NEK5: variants seen among roughly 807,000 people sequenced by gnomAD.
The protein encoded by NEK5 is serine/threonine-protein kinase Nek5.
Under a neutral mutation model 109.2 loss-of-function variants are expected in NEK5, and 88 were observed. That is an observed-to-expected ratio of 0.81 (90% CI 0.68 to 0.96). NEK5 has a LOEUF of 0.96. Ranked by LOEUF, NEK5 falls within the 40% of genes least tolerant of loss-of-function variation. The pLI is 0.00. For synonymous variants in NEK5, 283 were observed against 299.9 expected (o/e 0.94, Z 0.58); for missense variants, 834 against 920.7 (o/e 0.91, Z 1.22).
intron 23 of NEK5, among the ~76,000 whole-genome samples, chr13:52,041,951 G>A (rs1481125040): frequency 1.3e-5 from 2 of 151,800 alleles, no homozygotes; most frequent in African/African-American, 4.8e-5. Context: ...AAGCAAGCAG[G>A]ATAAAAGACA....
chr13:52,076,170 C>T (rs746486202), intron 17 of NEK5, 27 bp from the exon 18 acceptor site: 2 of 1,275,504 alleles, frequency 1.6e-6, no homozygotes, highest in South Asian at 1.3e-5. Flanking sequence ...AAATACAATT[C>T]TCTCACTGTA....
chr13:52,121,619 G>A (rs1284636082), intron 3 of NEK5, among the ~76,000 whole-genome samples: 1 of 152,190 alleles, frequency 6.6e-6, no homozygotes, highest in Non-Finnish European at 1.5e-5. Context: ...TAAGGTAAAA[G>A]TGAAACTTCC....
chr13:52,085,528 C>T (rs9535858), intron 16 of NEK5, among the ~76,000 whole-genome samples: 63,036 of 151,988 alleles, frequency 0.41, 14,928 homozygotes, highest in Non-Finnish European at 0.53. Flanking sequence ...ATTTCAGCAG[C>T]ATGGTAGCTC....
At chr13:52,117,806 G>A (rs951108448) in intron 4 of NEK5, among the ~76,000 whole-genome samples, 2 of 152,178 alleles carry the variant, frequency 1.3e-5, no homozygotes, top group African/African-American at 4.8e-5. Context: ...GAGAACCAAA[G>A]GGAGCTGTAA....
rs762856646 is a variant in NEK5 at position 52,119,275 on chromosome 13, C to T, written c.214+44G>A. The T allele has an allele frequency of 6.3e-6, 7 of 1,112,632 alleles. No homozygotes were observed. In the South Asian group the frequency reaches 7.1e-5, roughly 11 times the overall value. 68.9% of individuals were successfully genotyped at this position (1,112,632 alleles called of 1,614,324 possible). A position where few individuals can be genotyped will look rare whatever the true frequency, so the allele number is the denominator to read the frequency against. ...AAATCTTTTTACATATGTCAACATG[C>T]CTATACTTTATAAAAATACTTAACG... On this transcript the variant is annotated intron_variant, in intron 4 of 23. Coordinates refer to ENST00000684899, the MANE Select transcript of NEK5 (RefSeq NM_001365552.1).
In NEK5 at chr13:52,093,085, C is replaced by G; in HGVS notation, c.1177G>C (p.Glu393Gln). ...CTTGGGGATGGACCATGCCTCGTTT[C>G]CTGACCGTAATCCTCAACTCCAGTA... Reference protein sequence around the residue: ...ENTGVEDYGQETRHGPSPSQW... With the variant: ...ENTGVEDYGQQTRHGPSPSQW... The change falls in exon 13 of 24, where the codon GAA becomes CAA. Residue 393 changes from glutamate (E) to glutamine (Q), a missense_variant. Glu to Gln is a conservative substitution (Grantham distance 29, BLOSUM62 2). Coordinates refer to ENST00000684899, the MANE Select transcript of NEK5 (RefSeq NM_001365552.1). The G allele has an allele frequency of 6.2e-7, 1 of 1,613,494 alleles. No individual in the cohort carries two copies. Among genetic ancestry groups the G allele is most frequent in the Non-Finnish European group, 8.5e-7 (1 of 1,179,566 alleles).
intron 23 of NEK5, among the ~76,000 whole-genome samples, chr13:52,045,566 C>T (rs1363743682): frequency 1.4e-5 from 2 of 144,170 alleles, no homozygotes; most frequent in Non-Finnish European, 3.0e-5. Flanking sequence ...GAGATCGAGA[C>T]CATCCTGGCT....
At chr13:52,048,236 C>T (rs1011645290) in intron 23 of NEK5, among the ~76,000 whole-genome samples, 1 of 152,098 alleles carries the variant, frequency 6.6e-6, no homozygotes, top group Non-Finnish European at 1.5e-5. Flanking sequence ...TGAAACATCA[C>T]TGTGTATCCT....
rs1017875382 is a variant in NEK5, at chr13:52,035,261, A to G, written c.*1687T>C. ...AAACATCAGGAAATAGTCACAAAAA[A>G]CTGGATGTACCTCAGGTGACTCCTA... On this transcript the variant is annotated 3_prime_UTR_variant, in exon 24 of 24. Coordinates refer to ENST00000684899, the MANE Select transcript of NEK5 (RefSeq NM_001365552.1). 3 of 152,198 alleles carry G rather than the reference A, an allele frequency of 2.0e-5. No individual in the cohort carries two copies. Among genetic ancestry groups the G allele is most frequent in the Non-Finnish European group, 2.9e-5 (2 of 68,040 alleles). The allele number at this position is 152,198 out of a possible 1,614,324, so 9.4% of individuals were successfully genotyped here. A position where few individuals can be genotyped will look rare whatever the true frequency, so the allele number is the denominator to read the frequency against.
At chr13:52,048,593 T>C (rs1362847213) in intron 23 of NEK5, among the ~76,000 whole-genome samples, 1 of 152,118 alleles carries the variant, frequency 6.6e-6, no homozygotes, top group Non-Finnish European at 1.5e-5. Flanking sequence ...AATGCATGAA[T>C]AGATAAAGAA....
intron 11 of NEK5, among the ~76,000 whole-genome samples, chr13:52,100,311 C>T (rs752859592): frequency 2.6e-4 from 39 of 151,948 alleles, no homozygotes; most frequent in Non-Finnish European, 3.7e-4. Flanking sequence ...ACCCGGGCTA[C>T]GGTGCAGTGG....
At chr13:52,118,726 C>T (rs1331095514) in intron 4 of NEK5, among the ~76,000 whole-genome samples, 2 of 152,074 alleles carry the variant, frequency 1.3e-5, no homozygotes, top group African/African-American at 4.8e-5. Context: ...GGCTATGGTG[C>T]GTGGCTGTTT....
chr13:52,119,650 G>T (rs1316651409), intron 3 of NEK5, among the ~76,000 whole-genome samples: 1 of 152,104 alleles, frequency 6.6e-6, no homozygotes, highest in Non-Finnish European at 1.5e-5. Flanking sequence ...GTGAAGTTTT[G>T]CTATATTAAA....
chr13:52,074,816 T>C (rs987881860), intron 19 of NEK5, among the ~76,000 whole-genome samples: 1 of 152,016 alleles, frequency 6.6e-6, no homozygotes, highest in Non-Finnish European at 1.5e-5. Flanking sequence ...GGACAAAAGA[T>C]AGAAAGAGAC....
At chr13:52,055,759 G>A (rs1171445111) in intron 22 of NEK5, among the ~76,000 whole-genome samples, 4 of 151,926 alleles carry the variant, frequency 2.6e-5, no homozygotes, top group African/African-American at 9.7e-5. Flanking sequence ...GAGAGATTTT[G>A]TCACCACCGG....
chr13:52,108,492 G>A, intron 7 of NEK5, 88 bp from the exon 8 acceptor site: 1 of 763,454 alleles, frequency 1.3e-6, no homozygotes, highest in East Asian at 2.7e-5. Context: ...GAAAAAATGT[G>A]AAAATGGATA....
At chr13:52,045,130 CTTT>C (rs374051509) in intron 23 of NEK5, among the ~76,000 whole-genome samples, 1 of 108,698 alleles carries the variant, frequency 9.2e-6, no homozygotes, top group Non-Finnish European at 1.8e-5. Context: ...AATAAAAAAT[CTTT>C]TTTTTTTTTT....
intron 22 of NEK5, among the ~76,000 whole-genome samples, chr13:52,054,805 C>T (rs1954539069): frequency 6.6e-6 from 1 of 152,076 alleles, no homozygotes; most frequent in Non-Finnish European, 1.5e-5. Context: ...CTGTACATCA[C>T]CATCATCAAA....
intron 7 of NEK5, among the ~76,000 whole-genome samples, 185 bp from the exon 8 acceptor site, chr13:52,108,589 A>G (rs1206832924): frequency 1.3e-5 from 2 of 152,214 alleles, no homozygotes; most frequent in African/African-American, 4.8e-5. Context: ...TTTTAAACTT[A>G]CAATTCACCT....
Sources: gnomAD v4.1 joint callset for allele counts (sites outside exome capture counted in the v4.1 genomes callset) on GRCh38, gnomAD v4.1.1 for gene constraint, MANE v1.5 for transcripts, NCBI Gene and HGNC (gene_info 2026-07-23, HGNC 2026-07-21) for gene names.